Variants in MAPK10 observed in about 807,000 individuals in gnomAD.
MAPK10 encodes the protein mitogen-activated protein kinase 10.
Under a neutral mutation model 59.3 loss-of-function variants are expected in MAPK10, and 25 were observed. The observed-to-expected ratio is 0.42, with a 90% CI of 0.31 to 0.59. The LOEUF (loss-of-function observed/expected upper bound fraction) is 0.59. Among genes scored for constraint, MAPK10 ranks in the 20% least tolerant of loss-of-function variants. The pLI, the probability that MAPK10 is intolerant of heterozygous loss-of-function variation, is 0.15. For missense variants in MAPK10, 351 were observed against 568.9 expected, an observed-to-expected ratio of 0.62 and a Z score of 3.90; for synonymous variants, 190 against 200.5, an observed-to-expected ratio of 0.95 and a Z score of 0.44.
chr4:86,468,468 G>A (rs151116937), intron 1 of MAPK10, among the ~76,000 whole-genome samples: 1 of 152,172 alleles, frequency 6.6e-6, no homozygotes, highest in East Asian at 1.9e-4. Flanking sequence ...ATATGAACCA[G>A]ATTTTGAAGA....
intron 4 of MAPK10, chr4:86,127,478 A>G (rs911733834): frequency 1.3e-5 from 2 of 152,056 alleles, no homozygotes; most frequent in African/African-American, 4.8e-5. Flanking sequence ...AAAAATGTGT[A>G]TTTTAATTCC....
chr4:86,399,099 C>A (rs545845919), intron 1 of MAPK10, among the ~76,000 whole-genome samples: 1 of 152,130 alleles, frequency 6.6e-6, no homozygotes, highest in Non-Finnish European at 1.5e-5. Flanking sequence ...AGAAAAATTT[C>A]TTTTCTTTTG....
intron 2 of MAPK10, among the ~76,000 whole-genome samples, chr4:86,298,498 T>G (rs760931789): frequency 2.6e-5 from 4 of 152,196 alleles, no homozygotes; most frequent in Non-Finnish European, 4.4e-5. Context: ...TGAAGCCAGT[T>G]CCTGATGATG....
intron 9 of MAPK10, among the ~76,000 whole-genome samples, chr4:86,084,545 A>C (rs1410304077): frequency 6.6e-6 from 1 of 152,202 alleles, no homozygotes; most frequent in Non-Finnish European, 1.5e-5. Context: ...ACTTAAGCAA[A>C]CAAGTGAAAG....
At chr4:86,544,131 G>T (rs1758953623) in intron 1 of MAPK10, among the ~76,000 whole-genome samples, 2 of 152,308 alleles carry the variant, frequency 1.3e-5, no homozygotes, top group South Asian at 2.1e-4. Context: ...CACCCACAAA[G>T]AATGCCGGAG....
Position 86,159,409 on chromosome 4 carries a change from C to T in MAPK10, c.125G>A (p.Ser42Asn). 2 of 1,612,540 alleles carry T rather than the reference C, an allele frequency of 1.2e-6. No individual in the cohort carries two copies. The highest frequency in any genetic ancestry group is 1.7e-6 in the Non-Finnish European group (2 of 1,179,020). The change falls in exon 4 of 14, where the codon AGC (serine) becomes AAC (asparagine). Residue 42 changes from serine (S) to asparagine (N), a missense_variant. Around this residue, in one of 5 missense-constraint regions of MAPK10, gnomAD observed 61 missense variants for 58.4 expected, o/e 1.05. Coordinates refer to ENST00000641462, the MANE Select transcript of MAPK10 (RefSeq NM_138982.4). ...YIAKHYNMSK[S>N]KVDNQFYSVE... The stretch of plus-strand genomic sequence containing the variant: ...ACTGTAGAACTGGTTGTCAACTTTG[C>T]TTTTGCTCATGTTGTAATGTTTGGC...
chr4:86,342,974 T>C (rs1725906855), intron 2 of MAPK10, among the ~76,000 whole-genome samples: 2 of 152,146 alleles, frequency 1.3e-5, no homozygotes, highest in Non-Finnish European at 2.9e-5. Context: ...CCCAAATTCC[T>C]TCACAGATCA....
chr4:86,439,437 T>C (rs1171517065), intron 1 of MAPK10, among the ~76,000 whole-genome samples: 1 of 152,256 alleles, frequency 6.6e-6, no homozygotes, highest in Non-Finnish European at 1.5e-5. Flanking sequence ...CATTCCTTTT[T>C]ATTGCTGAGT....
intron 2 of MAPK10, among the ~76,000 whole-genome samples, chr4:86,269,832 G>T (rs1369661561): frequency 6.6e-6 from 1 of 152,076 alleles, no homozygotes; most frequent in Non-Finnish European, 1.5e-5. Flanking sequence ...CACTCCTTAA[G>T]AAAAATTATA....
At chr4:86,539,971 G>A (rs1394403137) in intron 1 of MAPK10, among the ~76,000 whole-genome samples, 4 of 152,178 alleles carry the variant, frequency 2.6e-5, no homozygotes, top group Non-Finnish European at 5.9e-5. Flanking sequence ...CTTGGTAGTA[G>A]AAAACATAGG....
At chr4:86,474,409 T>A (rs1019941853) in intron 1 of MAPK10, among the ~76,000 whole-genome samples, 2 of 152,184 alleles carry the variant, frequency 1.3e-5, no homozygotes, top group Non-Finnish European at 2.9e-5. Flanking sequence ...TATGTTTATA[T>A]CATAAAATGA....
intron 2 of MAPK10, among the ~76,000 whole-genome samples, chr4:86,292,328 A>G (rs911931340): frequency 2.0e-5 from 3 of 152,210 alleles, no homozygotes; most frequent in African/African-American, 7.2e-5. Context: ...AAGATGATGA[A>G]GCACAATCCT....
chr4:86,401,197 G>A (rs959785143), intron 1 of MAPK10, among the ~76,000 whole-genome samples: 30 of 152,214 alleles, frequency 2.0e-4, no homozygotes, highest in African/African-American at 7.2e-4. Context: ...ATGCTGAAGT[G>A]TCCAAGGAGT....
intron 2 of MAPK10, among the ~76,000 whole-genome samples, chr4:86,304,219 T>C (rs1464023058): frequency 6.6e-6 from 1 of 152,036 alleles, no homozygotes; most frequent in Non-Finnish European, 1.5e-5. Flanking sequence ...TTGTGAAAGA[T>C]CTCACGTGCC....
chr4:86,037,518 T>TAA (rs58836254), intron 11 of MAPK10, among the ~76,000 whole-genome samples: 5 of 142,550 alleles, frequency 3.5e-5, no homozygotes, highest in Non-Finnish European at 3.1e-5. Context: ...AGACTCCGTC[T>TAA]AAAAAAAAAA....
At chr4:86,042,099 A>AAT (rs1474953927) in intron 11 of MAPK10, among the ~76,000 whole-genome samples, 34 of 152,248 alleles carry the variant, frequency 2.2e-4, no homozygotes, top group Non-Finnish European at 4.7e-4. Context: ...GGATAAAGAA[A>AAT]ATGTGGCACA....
chr4:86,456,274 T>C (rs1248802931), upstream of MAPK10, among the ~76,000 whole-genome samples: 1 of 151,508 alleles, frequency 6.6e-6, no homozygotes, highest in African/African-American at 2.4e-5. Flanking sequence ...CAAACCAAAC[T>C]GAAACCCGGC....
At chr4:86,357,180 T>C (rs1344280484) in intron 1 of MAPK10, 1 of 152,206 alleles carries the variant, frequency 6.6e-6, no homozygotes, top group African/African-American at 2.4e-5. Context: ...CAAGCAATCA[T>C]TCGATTTGAA....
chr4:86,377,684 A>G lies in MAPK10; in HGVS notation c.-121-23040T>C, dbSNP rs535492706. Among the ~76,000 whole-genome samples the G allele has an allele frequency of 4.6e-3, 699 of 152,324 alleles. 1 individual carries two copies. The highest frequency in any genetic ancestry group is 5.0e-3 in the Non-Finnish European group (339 of 68,026). On this transcript the variant is annotated intron_variant, in intron 1 of 13. Transcript: ENST00000361569. ...GTCAAGAATGAACAATATTAGGAATAAACATTTTTAAGTCTCTCAGCTTGT... is the reference window on the plus strand; with the variant it reads ...GTCAAGAATGAACAATATTAGGAATGAACATTTTTAAGTCTCTCAGCTTGT...
Sources: gnomAD v4.1 joint callset for allele counts (sites outside exome capture counted in the v4.1 genomes callset) on GRCh38, gnomAD v4.1.1 for gene constraint, gnomAD v4.1.1 regional missense constraint, MANE v1.5 for transcripts, NCBI Gene and HGNC (gene_info 2026-07-23, HGNC 2026-07-21) for gene names.